The following NUCB2 variants were observed in gnomAD, a reference collection of about 807,000 sequenced individuals.
NUCB2 encodes nucleobindin-2.
In NUCB2, 48 loss-of-function variants were observed where a neutral mutation model predicts 57.9. The observed-to-expected ratio is 0.83, with a 90% CI of 0.66 to 1.05. The LOEUF is 1.05. NUCB2 is among the 50% of genes least tolerant of loss of function. The pLI is 0.00. For missense variants in NUCB2, 442 were observed against 476.2 expected (o/e 0.93, Z 0.67); for synonymous variants, 139 against 152.1 (o/e 0.91, Z 0.64).
intron 11 of NUCB2, among the ~76,000 whole-genome samples, chr11:17,321,614 A>G (rs561132900): frequency 6.6e-6 from 1 of 152,248 alleles, no homozygotes; most frequent in African/African-American, 2.4e-5. Flanking sequence ...TTGGGTTAAG[A>G]TTGCATTAAG....
chr11:17,348,317 GTGTTTTTT>G, intron 2 of NUCB2, among the ~76,000 whole-genome samples: 1 of 55,730 alleles, frequency 1.8e-5, no homozygotes, highest in East Asian at 4.4e-4. Flanking sequence ...GTTTGTTTTT[GTGTTTTTT>G]TTTTTTTTTT....
At chr11:17,297,043 G>A (rs1466439225) in intron 4 of NUCB2, among the ~76,000 whole-genome samples, 2 of 152,018 alleles carry the variant, frequency 1.3e-5, no homozygotes, top group African/African-American at 2.4e-5. Context: ...TAAGAAAGGG[G>A]GTTGTAAAGA....
chr11:17,341,630 G>A (rs550083048), intron 2 of NUCB2, among the ~76,000 whole-genome samples: 89 of 152,220 alleles, frequency 5.8e-4, no homozygotes, highest in African/African-American at 1.9e-3. Flanking sequence ...ATTGATTTGC[G>A]TATGTTGAAC....
chr11:17,295,810 A>G (rs1451349451), intron 3 of NUCB2, among the ~76,000 whole-genome samples: 1 of 152,204 alleles, frequency 6.6e-6, no homozygotes, highest in Non-Finnish European at 1.5e-5. Flanking sequence ...GGCAGATAAC[A>G]ATGGGGAGAA....
intron 11 of NUCB2, among the ~76,000 whole-genome samples, chr11:17,326,004 CTT>C (rs947591754): frequency 6.9e-6 from 1 of 145,158 alleles, no homozygotes; most frequent in Admixed American, 7.0e-5. Context: ...GTTACTTTTT[CTT>C]TTTTTTTTTT....
At position 17,320,605 on chromosome 11, in the gene NUCB2, C is replaced by T. The variant is rs574170622; in HGVS notation, c.1002+5130C>T. Among the ~76,000 whole-genome samples the T allele has an allele frequency of 1.2e-4, 18 of 152,038 alleles. No individual in the cohort carries two copies. The East Asian group carries it at 1.7e-3, about 15-fold the overall frequency. ...CTGGGAGATGGAGGTTGCAGTGAGT[C>T]GAGATTGCACCCCAGCACTCCAGCC... On this transcript the variant is annotated intron_variant, in intron 11 of 13. Transcript: ENST00000529010.
chr11:17,294,299 C>T (rs1039614705), intron 2 of NUCB2, among the ~76,000 whole-genome samples: 1 of 152,114 alleles, frequency 6.6e-6, no homozygotes, highest in African/African-American at 2.4e-5. Context: ...GCCCCCACCC[C>T]AGAGGTCTTG....
Position 17,341,485 on chromosome 11 carries a change from G to A in NUCB2, n.2626+3951G>A, listed in dbSNP as rs369583384. Among the ~76,000 whole-genome samples the A allele has an allele frequency of 3.4e-4, 52 of 152,066 alleles. 1 individual carries two copies. In the South Asian group the frequency reaches 0.01, roughly 31 times the overall value. Reference sequence around the variant, plus strand: ...GATAGCTCTTATTATTTTGAAATATGTCCCATCAATACCTAATTTATTGAG... The same window carrying A: ...GATAGCTCTTATTATTTTGAAATATATCCCATCAATACCTAATTTATTGAG... On this transcript the variant is annotated intron_variant and non_coding_transcript_variant, in intron 2 of 2. Transcript: ENST00000532240.
chr11:17,315,284 C>A, intron 10 of NUCB2, 102 bp from the exon 11 acceptor site: 1 of 538,256 alleles, frequency 1.9e-6, no homozygotes, highest in Non-Finnish European at 3.2e-6. Context: ...GTCCTAATTG[C>A]TGTATGTTTA....
In NUCB2 at chr11:17,306,860, C is replaced by G. The variant is rs371223323; in HGVS notation, c.380-2712C>G. Among the ~76,000 whole-genome samples, 10 of 149,918 alleles carry G rather than the reference C, an allele frequency of 6.7e-5. No individual in the cohort carries two copies. In the Admixed American group the frequency reaches 6.7e-4, roughly 10 times the overall value. On this transcript the variant is annotated intron_variant, in intron 5 of 13. Coordinates refer to ENST00000529010, the MANE Select transcript of NUCB2 (RefSeq NM_005013.4). ...ACAGGAGGCGGAGGTTGCAGTGAGC[C>G]GAGATCATGCCACTGTGCCCCAGCC... is the stretch of plus-strand genomic sequence containing the variant.
chr11:17,282,258 A>ATATATATATATT (rs1388672393), intron 1 of NUCB2, among the ~76,000 whole-genome samples: 2 of 103,482 alleles, frequency 1.9e-5, no homozygotes, highest in Non-Finnish European at 3.7e-5. Flanking sequence ...ATATATATAT[A>ATATATATATATT]TTTTTTTTTT....
intron 11 of NUCB2, among the ~76,000 whole-genome samples, chr11:17,319,778 TTATATA>T (rs1264513141): frequency 1.3e-5 from 2 of 152,008 alleles, no homozygotes. Flanking sequence ...ATTATATAGT[TTATATA>T]TATATAAACT....
chr11:17,319,935 T>A (rs970541909), intron 11 of NUCB2, among the ~76,000 whole-genome samples: 1 of 152,208 alleles, frequency 6.6e-6, no homozygotes, highest in Non-Finnish European at 1.5e-5. Context: ...TTCCTCACTA[T>A]GTGTCCATGT....
rs776690468 is a variant in NUCB2 at position 17,315,404 on chromosome 11, A to G, written c.931A>G (p.Arg311Gly). The G allele has an allele frequency of 1.2e-6, 2 of 1,607,414 alleles. No homozygotes were observed. Among genetic ancestry groups the G allele is most frequent in the Non-Finnish European group, 1.7e-6 (2 of 1,175,036 alleles). The change falls in exon 11 of 14, where the codon AGA becomes GGA. Residue 311 changes from arginine (R) to glycine (G), a missense_variant. Arg to Gly is a moderately radical substitution (Grantham distance 125). Transcript: ENST00000529010. ...TAATCAGGTTGATACTAACAAAGAC[A>G]GATTGGTGACTCTGGAGGAGTTTTT... ...VMNEVDTNKD[R>G]LVTLEEFLKA...
chr11:17,303,040 G>A (rs1269434285), intron 5 of NUCB2, among the ~76,000 whole-genome samples: 1 of 151,882 alleles, frequency 6.6e-6, no homozygotes, highest in African/African-American at 2.4e-5. Context: ...ACCCGGCCTA[G>A]TTGTTTTTTT....
Position 17,295,409 on chromosome 11 carries a change from T to C in NUCB2, c.86T>C (p.Ile29Thr), listed in dbSNP as rs765270698. Residue 29 changes from isoleucine to threonine, a missense_variant, in exon 3 of 14, where the codon ATA (isoleucine) becomes ACA (threonine). Coordinates refer to ENST00000529010, the MANE Select transcript of NUCB2 (RefSeq NM_005013.4). ...GCTCTTGAAGCTGTGCCTATTGACATAGACAAGACAAAAGTACAAAATATT... is the reference window on the plus strand; with the variant it reads ...GCTCTTGAAGCTGTGCCTATTGACACAGACAAGACAAAAGTACAAAATATT... ...LTALEAVPIDIDKTKVQNIHP... is the reference protein window; with the variant it reads ...LTALEAVPIDTDKTKVQNIHP... 5 of 1,613,444 alleles carry C rather than the reference T, an allele frequency of 3.1e-6. No homozygotes were observed. The highest frequency in any genetic ancestry group is 2.2e-5 in the South Asian group (2 of 91,020).
chr11:17,288,957 A>ATTTTTT (rs1314774026), intron 2 of NUCB2, among the ~76,000 whole-genome samples: 4 of 80,356 alleles, frequency 5.0e-5, no homozygotes, highest in African/African-American at 3.1e-4. Context: ...ACACATATAT[A>ATTTTTT]TATATATTTT....
downstream of NUCB2, chr11:17,334,059 C>T (rs1030408760): frequency 6.6e-6 from 1 of 152,242 alleles, no homozygotes; most frequent in African/African-American, 2.4e-5. Flanking sequence ...TCTCACTGCC[C>T]AAAGCCCTAC....
chr11:17,288,880 T>TACACACACACACACACACACACACAC lies in NUCB2; in HGVS notation c.-1+5938_-1+5939insCACACACACACACACACACACACACA, dbSNP rs775443519. On this transcript the variant is annotated intron_variant, in intron 2 of 13. Transcript: ENST00000529010. ...CTTAAAGTCTATTTAATAACATGTA[T>TACACACACACACACACACACACACAC]ATACACACACACACACACACACACA... 4.4e-5 allele frequency among the ~76,000 whole-genome samples: 3 copies of TACACACACACACACACACACACACAC among 67,538 alleles called. 1 individual carries two copies. Among genetic ancestry groups the TACACACACACACACACACACACACAC allele is most frequent in the East Asian group, 9.0e-4 (2 of 2,230 alleles). 44.3% of individuals were successfully genotyped at this position (67,538 alleles called of 152,430 possible). A position where few individuals can be genotyped will look rare whatever the true frequency, so the allele number is the denominator to read the frequency against.
Sources: gnomAD v4.1 joint callset for allele counts (sites outside exome capture counted in the v4.1 genomes callset) on GRCh38, gnomAD v4.1.1 for gene constraint, MANE v1.5 for transcripts, NCBI Gene and HGNC (gene_info 2026-07-23, HGNC 2026-07-21) for gene names.